Variants in SV2C observed in about 807,000 individuals in gnomAD.
SV2C encodes the protein solute carrier family 22 member B3.
Under a neutral mutation model 79.7 loss-of-function variants are expected in SV2C, and 49 were observed. The ratio of observed to expected loss-of-function variants is 0.61; its 90% CI spans 0.49 to 0.78. SV2C has a LOEUF of 0.78. SV2C is among the 30% of genes least tolerant of loss of function. The pLI is 0.00. For synonymous variants in SV2C, 334 were observed against 333.2 expected (o/e 1.00, Z -0.03); for missense variants, 833 against 912.9 (o/e 0.91, Z 1.13).
chr5:76,321,155 A>G (rs190573948), intron 12 of SV2C, among the ~76,000 whole-genome samples: 404 of 152,320 alleles, frequency 2.7e-3, no homozygotes, highest in Non-Finnish European at 4.8e-3. Flanking sequence ...GGAAACAACT[A>G]TCATTAGGTA....
intron 12 of SV2C, among the ~76,000 whole-genome samples, chr5:76,352,819 T>A (rs1172857403): frequency 6.6e-6 from 1 of 152,214 alleles, no homozygotes; most frequent in Non-Finnish European, 1.5e-5. Flanking sequence ...TGTATCTTAG[T>A]TTTTTTCTAC....
At position 76,343,483 on chromosome 5, in the gene SV2C, G is replaced by A. The variant is rs565451029; in HGVS notation, c.2001-9647G>A. Among the ~76,000 whole-genome samples the A allele has an allele frequency of 1.7e-3, 265 of 152,224 alleles. 1 individual carries two copies. The highest frequency in any genetic ancestry group is 3.9e-3 in the South Asian group (19 of 4,824). ...GAAAAGGTGCTCAATTTCATTAGTCGTGAAGGAAATGCAAATAAAACCATG... is the reference window on the plus strand; with the variant it reads ...GAAAAGGTGCTCAATTTCATTAGTCATGAAGGAAATGCAAATAAAACCATG... On this transcript the variant is annotated intron_variant, in intron 12 of 12. Transcript: ENST00000322285.
At chr5:76,036,114 CT>C in the SV2C span, among the ~76,000 whole-genome samples, 3 of 151,610 alleles carry the variant, frequency 2.0e-5, no homozygotes, top group Non-Finnish European at 4.4e-5. Context: ...TTCCTCCATC[CT>C]TTTATTTTGA....
chr5:76,291,069 T>G (rs571338818), intron 6 of SV2C, 152 bp from the exon 7 acceptor site: 6 of 486,686 alleles, frequency 1.2e-5, no homozygotes, highest in Admixed American at 3.9e-5. Context: ...CATATACTTA[T>G]GGCAGTGGTC....
chr5:76,309,593 C>CCAT lies in SV2C; in HGVS notation c.2000+8050_2000+8052dup, dbSNP rs1346635130. ...CCAGCCTGGGCGACAGAGCGAAACTCCATCTCAAAAAAAAAAAAAAAAAAA... is the reference window on the plus strand; with the variant it reads ...CCAGCCTGGGCGACAGAGCGAAACTCCATCATCTCAAAAAAAAAAAAAAAAAAA... On this transcript the variant is annotated intron_variant, in intron 12 of 12. Transcript: ENST00000502798. Among the ~76,000 whole-genome samples, 4 of 107,104 alleles carry CCAT rather than the reference C, an allele frequency of 3.7e-5. No homozygotes were observed. In the East Asian group the frequency reaches 1.1e-3, roughly 30 times the overall value. 70.3% of individuals were successfully genotyped at this position (107,104 alleles called of 152,430 possible).
At chr5:75,922,735 A>G in the SV2C span, among the ~76,000 whole-genome samples, 1 of 152,240 alleles carries the variant, frequency 6.6e-6, no homozygotes, top group African/African-American at 2.4e-5. Flanking sequence ...TCAGAGTGAC[A>G]CTTCAGCTCT....
the SV2C span, among the ~76,000 whole-genome samples, chr5:75,931,772 TTTGA>T: frequency 6.6e-6 from 1 of 152,240 alleles, no homozygotes; most frequent in Non-Finnish European, 1.5e-5. Flanking sequence ...TTGCATAGCC[TTTGA>T]TTTTCACATT....
chr5:76,271,456 T>A (rs904849144), intron 4 of SV2C, among the ~76,000 whole-genome samples: 17 of 152,118 alleles, frequency 1.1e-4, no homozygotes, highest in Admixed American at 1.0e-3. Context: ...AACAACACAA[T>A]CAACAAACTT....
the SV2C span, among the ~76,000 whole-genome samples, chr5:76,031,498 T>A: frequency 6.6e-6 from 1 of 152,334 alleles, no homozygotes; most frequent in South Asian, 2.1e-4. Context: ...CAGGCCCAGT[T>A]ACCTGACTCT....
At chr5:75,996,290 G>T in the SV2C span, among the ~76,000 whole-genome samples, 1 of 152,166 alleles carries the variant, frequency 6.6e-6, no homozygotes, top group Non-Finnish European at 1.5e-5. Context: ...AGATCAGATA[G>T]TTGTAGATAT....
At chr5:76,240,550 C>G (rs919668468) in intron 4 of SV2C, among the ~76,000 whole-genome samples, 50 of 152,232 alleles carry the variant, frequency 3.3e-4, no homozygotes, top group African/African-American at 1.1e-3. Flanking sequence ...GAGGAACCAT[C>G]TGTGACACAT....
chr5:76,130,047 A>G (rs1748827504), intron 1 of SV2C, among the ~76,000 whole-genome samples: 3 of 149,150 alleles, frequency 2.0e-5, no homozygotes. Flanking sequence ...TGAGCACCCC[A>G]TCCTCAGCCT....
rs989782470 is a variant in SV2C, at chr5:76,344,987, G to A, written c.2001-8143G>A. ...CTAAGTTGTTCAATCTTATTCTAACGTGCACAATCTTAACTACTAGGCTAC... is the reference window on the plus strand; with the variant it reads ...CTAAGTTGTTCAATCTTATTCTAACATGCACAATCTTAACTACTAGGCTAC... On this transcript the variant is annotated intron_variant, in intron 12 of 12. Coordinates refer to the SV2C transcript ENST00000322285. Among the ~76,000 whole-genome samples, 10 of 152,110 alleles carry A rather than the reference G, an allele frequency of 6.6e-5. No homozygotes were observed. The South Asian group carries it at 8.3e-4, about 13-fold the overall frequency.
chr5:75,953,902 AC>A, the SV2C span, among the ~76,000 whole-genome samples: 3 of 151,826 alleles, frequency 2.0e-5, no homozygotes, highest in Admixed American at 1.3e-4. Context: ...TGTTTCCTGC[AC>A]CTCCAAATGA....
intron 1 of SV2C, among the ~76,000 whole-genome samples, chr5:76,091,210 A>G (rs1747365492): frequency 6.6e-6 from 1 of 152,216 alleles, no homozygotes; most frequent in Admixed American, 6.5e-5. Context: ...TACTTTTTGA[A>G]GCATCCAATT....
the SV2C span, among the ~76,000 whole-genome samples, chr5:75,975,062 T>G: frequency 6.6e-6 from 1 of 152,304 alleles, no homozygotes; most frequent in South Asian, 2.1e-4. Flanking sequence ...TTGAATCCAT[T>G]ACTTTGCAGT....
chr5:75,911,732 AAG>A, the SV2C span: 1 of 646,766 alleles, frequency 1.5e-6, no homozygotes, highest in South Asian at 1.4e-5. Context: ...GAAGACAAGA[AAG>A]AGGATAATAA....
chr5:75,928,508 G>A, the SV2C span, among the ~76,000 whole-genome samples: 1 of 152,088 alleles, frequency 6.6e-6, no homozygotes, highest in East Asian at 1.9e-4. Flanking sequence ...TTATCCAGGG[G>A]GTCTATGAAC....
the SV2C span, among the ~76,000 whole-genome samples, chr5:76,026,201 A>AACACACACACACACAC: frequency 7.2e-3 from 1,013 of 140,110 alleles, 12 homozygotes; most frequent in South Asian, 0.014. Flanking sequence ...CAAATTTACA[A>AACACACACACACACAC]ACACACACAC....
Sources: gnomAD v4.1 joint callset for allele counts (sites outside exome capture counted in the v4.1 genomes callset) on GRCh38, gnomAD v4.1.1 for gene constraint, MANE v1.5 for transcripts, NCBI Gene and HGNC (gene_info 2026-07-23, HGNC 2026-07-21) for gene names.